The following AHCTF1 variants were observed in gnomAD, a reference collection of about 807,000 sequenced individuals.
The protein encoded by AHCTF1 is AT-hook containing transcription factor 1, also known as protein ELYS.
AHCTF1 carries 24 observed loss-of-function variants against 248.4 expected under a neutral mutation model. That is an observed-to-expected ratio of 0.10 (90% confidence interval 0.07 to 0.14). AHCTF1 has a LOEUF of 0.14. Ranked by LOEUF, AHCTF1 falls within the 10% of genes least tolerant of loss-of-function variation. The pLI, the probability that AHCTF1 is intolerant of heterozygous loss-of-function variation, is 1.00. For synonymous variants in AHCTF1, 786 were observed against 929.8 expected (o/e 0.85, Z 2.81); for missense variants, 2,206 against 2,636.2 (o/e 0.84, Z 3.57).
intron 24 of AHCTF1, among the ~76,000 whole-genome samples, chr1:246,868,175 C>G (rs1662158290): frequency 6.7e-6 from 1 of 149,296 alleles, no homozygotes; most frequent in Admixed American, 6.7e-5. Flanking sequence ...GTAGCCCAGG[C>G]TGGAGTGCAG....
At chr1:246,899,974 A>G (rs1027852127) in intron 10 of AHCTF1, 91 bp downstream of exon 10, 9 of 1,284,508 alleles carry the variant, frequency 7.0e-6, no homozygotes, top group Admixed American at 4.9e-5. Flanking sequence ...ATACAAACAG[A>G]TAACACTAAA....
At chr1:246,908,385 A>C (rs1665547324) in intron 4 of AHCTF1, among the ~76,000 whole-genome samples, 2 of 151,356 alleles carry the variant, frequency 1.3e-5, no homozygotes, top group Non-Finnish European at 1.5e-5. Context: ...CCTACAAAAG[A>C]CCTTATATTG....
chr1:246,897,327 G>C (rs960885949), intron 12 of AHCTF1, among the ~76,000 whole-genome samples: 5 of 151,986 alleles, frequency 3.3e-5, no homozygotes, highest in Non-Finnish European at 5.9e-5. Context: ...AAAAATAAAG[G>C]TAGTAACAAA....
chr1:246,896,672 T>TA (rs1337661456), intron 12 of AHCTF1, among the ~76,000 whole-genome samples: 1 of 152,226 alleles, frequency 6.6e-6, no homozygotes, highest in African/African-American at 2.4e-5. Context: ...TTCTGTGAAT[T>TA]AAAATCACTG....
In AHCTF1 at chr1:246,904,416, T is replaced by C. The variant is rs1665238363; in HGVS notation, c.882-383A>G. Among the ~76,000 whole-genome samples the C allele has an allele frequency of 3.9e-5, 6 of 152,162 alleles. No individual in the cohort carries two copies. In the South Asian group the frequency reaches 1.2e-3, roughly 32 times the overall value. On this transcript the variant is annotated intron_variant, in intron 6 of 35. Transcript: ENST00000648844. Reference sequence around the variant, plus strand: ...CTAAGTGCAGTACCCTGTGGTAAAGTTGTGGCCAGGATGTAAACAGAATTA... The same window carrying C: ...CTAAGTGCAGTACCCTGTGGTAAAGCTGTGGCCAGGATGTAAACAGAATTA...
At chr1:246,923,744 TGTG>T (rs1666740289) in intron 1 of AHCTF1, among the ~76,000 whole-genome samples, 1 of 79,966 alleles carries the variant, frequency 1.3e-5, no homozygotes, top group Non-Finnish European at 2.6e-5. Flanking sequence ...TGCATGCGTG[TGTG>T]TGTGTGTGCG....
At chr1:246,849,190 A>ATATGG (rs911664369) in intron 33 of AHCTF1, among the ~76,000 whole-genome samples, 9 of 152,170 alleles carry the variant, frequency 5.9e-5, no homozygotes, top group African/African-American at 2.2e-4. Flanking sequence ...TATGGATTGA[A>ATATGG]ATAATTTCTG....
At chr1:246,924,121 A>C (rs1666768714) in intron 1 of AHCTF1, among the ~76,000 whole-genome samples, 1 of 152,206 alleles carries the variant, frequency 6.6e-6, no homozygotes, top group African/African-American at 2.4e-5. Flanking sequence ...AGCCATTCTC[A>C]CAGAAGAGAA....
intron 24 of AHCTF1, 84 bp from the exon 25 acceptor site, chr1:246,867,895 C>CG: frequency 1.8e-6 from 1 of 554,686 alleles, no homozygotes; most frequent in Non-Finnish European, 2.6e-6. Flanking sequence ...GATTACACCC[C>CG]CCCCCCCACA....
At position 246,914,955 on chromosome 1, in the gene AHCTF1, A is replaced by C. The variant is rs141440710; in HGVS notation, c.375+1187T>G. ...CCTCATCATTATTTACCTGAATGGC[A>C]ATAGTCTACTTGTTTCTATTCTCAC... On this transcript the variant is annotated intron_variant, in intron 3 of 35. Coordinates refer to ENST00000648844, the MANE Select transcript of AHCTF1 (RefSeq NM_001323342.2). Among the ~76,000 whole-genome samples the C allele has an allele frequency of 3.0e-3, 463 of 152,290 alleles. 4 individuals are homozygous for C. The highest frequency in any genetic ancestry group is 0.011 in the African/African-American group (447 of 41,560).
intron 24 of AHCTF1, among the ~76,000 whole-genome samples, chr1:246,868,032 G>A (rs1199550563): frequency 6.6e-6 from 1 of 151,126 alleles, no homozygotes; most frequent in Non-Finnish European, 1.5e-5. Context: ...GCATGATCTC[G>A]GCTCACTGCA....
intron 24 of AHCTF1, among the ~76,000 whole-genome samples, chr1:246,871,277 C>T (rs1296304039): frequency 6.6e-6 from 1 of 152,122 alleles, no homozygotes; most frequent in African/African-American, 2.4e-5. Flanking sequence ...ATCCAGAGTG[C>T]TAAAAACAGA....
chr1:246,923,428 AATAC>A (rs1326524155), intron 1 of AHCTF1, among the ~76,000 whole-genome samples: 2 of 148,228 alleles, frequency 1.3e-5, no homozygotes, highest in African/African-American at 5.3e-5. Context: ...TAAATAAATA[AATAC>A]ATAAATAAAT....
intron 11 of AHCTF1, among the ~76,000 whole-genome samples, chr1:246,898,680 T>A (rs997721025): frequency 1.3e-5 from 2 of 150,872 alleles, no homozygotes; most frequent in Non-Finnish European, 2.9e-5. Context: ...ACTCCTGCAG[T>A]CTACTCCTCT....
At chr1:246,894,849 T>A in intron 13 of AHCTF1, 101 bp from the exon 14 acceptor site, 1 of 950,570 alleles carries the variant, frequency 1.1e-6, no homozygotes, top group Non-Finnish European at 1.6e-6. Flanking sequence ...CCTAACCGAG[T>A]GAACATCAAC....
chr1:246,924,422 C>A (rs1164364469), intron 1 of AHCTF1, among the ~76,000 whole-genome samples: 2 of 151,806 alleles, frequency 1.3e-5, no homozygotes, highest in Non-Finnish European at 2.9e-5. Flanking sequence ...GTGATTTGCT[C>A]ATTTCAGTAT....
chr1:246,893,377 C>T (rs149818912), intron 14 of AHCTF1, among the ~76,000 whole-genome samples: 3 of 152,346 alleles, frequency 2.0e-5, no homozygotes, highest in African/African-American at 7.2e-5. Flanking sequence ...ACTTAACTTA[C>T]ATTGTGAAAA....
At chr1:246,902,774 A>G (rs191217193) in intron 7 of AHCTF1, 99 bp from the exon 8 acceptor site, 4 of 1,194,976 alleles carry the variant, frequency 3.3e-6, no homozygotes, top group East Asian at 2.6e-5. Context: ...CACACAATAC[A>G]AAGAAAACAA....
chr1:246,867,900 CCCACACA>C lies in AHCTF1; in HGVS notation c.3089-96_3089-90del, dbSNP rs1033577482. On this transcript the variant is annotated intron_variant, in intron 24 of 35. Coordinates refer to ENST00000648844, the MANE Select transcript of AHCTF1 (RefSeq NM_001323342.2). ...ATGAAAGAATGATTACACCCCCCCC[CCCACACA>C]CACACACACACACATTACGTGGTAA... 1.5e-4 allele frequency: 78 copies of C among 532,342 alleles called. 2 individuals are homozygous for C. Among genetic ancestry groups the C allele is most frequent in the African/African-American group, 3.2e-4 (7 of 21,552 alleles). 33.0% of individuals were successfully genotyped at this position (532,342 alleles called of 1,614,324 possible).
Sources: gnomAD v4.1 joint callset for allele counts (sites outside exome capture counted in the v4.1 genomes callset) on GRCh38, gnomAD v4.1.1 for gene constraint, MANE v1.5 for transcripts, NCBI Gene and HGNC (gene_info 2026-07-23, HGNC 2026-07-21) for gene names.